The following MAP4 variants were observed in gnomAD, a reference collection of about 807,000 sequenced individuals.
MAP4 encodes the protein microtubule-associated protein 4.
A neutral mutation model predicts 170.2 loss-of-function variants in MAP4; 76 were observed. That is an observed-to-expected ratio of 0.45 (90% CI 0.37 to 0.54). The LOEUF (loss-of-function observed/expected upper bound fraction) is 0.54. Ranked by LOEUF, MAP4 falls within the 20% of genes least tolerant of loss-of-function variation. MAP4 has a pLI of 0.00. For missense variants in MAP4, 2,506 were observed against 2,748.0 expected (o/e 0.91, Z 1.97); for synonymous variants, 909 against 994.5 (o/e 0.91, Z 1.62).
intron 1 of MAP4, among the ~76,000 whole-genome samples, chr3:48,012,581 T>C (rs943722994): frequency 6.6e-6 from 1 of 152,174 alleles, no homozygotes. Flanking sequence ...TTAAATATCA[T>C]TTATCAGAAT....
chr3:48,033,925 A>G (rs2100117467), intron 1 of MAP4, among the ~76,000 whole-genome samples: 2 of 152,168 alleles, frequency 1.3e-5, no homozygotes, highest in Non-Finnish European at 2.9e-5. Context: ...TTAAAGATGC[A>G]CTAATCCAAA....
intron 3 of MAP4, among the ~76,000 whole-genome samples, chr3:47,952,025 G>C (rs1449412438): frequency 1.4e-5 from 2 of 147,844 alleles, no homozygotes; most frequent in South Asian, 2.2e-4. Context: ...TGTGAGGAGC[G>C]CCTCTGCCCG....
At position 47,998,926 on chromosome 3, in the gene MAP4, G is replaced by C. The variant is rs567023462; in HGVS notation, c.-19-47C>G. 1.3e-3 allele frequency: 1,387 copies of C among 1,034,196 alleles called. 9 individuals carry two copies. Among genetic ancestry groups the C allele is most frequent in the Middle Eastern group, 4.2e-4 (2 of 4,796 alleles). 64.1% of individuals were successfully genotyped at this position (1,034,196 alleles called of 1,614,324 possible). On this transcript the variant is annotated intron_variant, in intron 1 of 20. Transcript: ENST00000683076. ...TTTCATGTAACGAGCACTGCAAAAG[G>C]AAAAACATTTCTAGAAACTCTTGTC...
At chr3:47,879,268 A>G (rs2096209312) in intron 10 of MAP4, among the ~76,000 whole-genome samples, 1 of 152,188 alleles carries the variant, frequency 6.6e-6, no homozygotes, top group African/African-American at 2.4e-5. Context: ...GCATAAGTAT[A>G]ATGTGAAACT....
chr3:47,929,775 G>C (rs2100048384), intron 3 of MAP4, among the ~76,000 whole-genome samples: 1 of 151,886 alleles, frequency 6.6e-6, no homozygotes, highest in African/African-American at 2.4e-5. Flanking sequence ...AGCACTATCT[G>C]TAAGAGACAA....
chr3:47,982,003 G>A (rs1333380142), intron 2 of MAP4, among the ~76,000 whole-genome samples: 1 of 152,028 alleles, frequency 6.6e-6, no homozygotes, highest in East Asian at 1.9e-4. Context: ...AACCTATGTT[G>A]GCCGGGCACA....
intron 1 of MAP4, among the ~76,000 whole-genome samples, chr3:48,084,212 A>G (rs1404478579): frequency 6.6e-6 from 1 of 150,554 alleles, no homozygotes; most frequent in Non-Finnish European, 1.5e-5. Context: ...CAGTCTCAAA[A>G]AAAAAAAAAA....
intron 1 of MAP4, among the ~76,000 whole-genome samples, chr3:48,007,052 A>G (rs1475898572): frequency 2.6e-5 from 4 of 152,218 alleles, no homozygotes. Flanking sequence ...TTGTGTCATA[A>G]TCTTATTTGG....
At chr3:48,003,373 G>T (rs2100100389) in intron 1 of MAP4, among the ~76,000 whole-genome samples, 2 of 149,130 alleles carry the variant, frequency 1.3e-5, no homozygotes, top group Admixed American at 1.3e-4. Flanking sequence ...AGAATCGCTT[G>T]AACCCAGGAG....
intron 1 of MAP4, among the ~76,000 whole-genome samples, chr3:48,035,700 G>A (rs1377457653): frequency 1.3e-5 from 2 of 152,130 alleles, no homozygotes; most frequent in Admixed American, 6.5e-5. Flanking sequence ...AGCACTTTGG[G>A]AGGCCAAGGC....
intron 12 of MAP4, among the ~76,000 whole-genome samples, chr3:47,872,349 A>C (rs978243638): frequency 1.3e-5 from 2 of 152,012 alleles, no homozygotes; most frequent in African/African-American, 4.8e-5. Flanking sequence ...ACGCCCAGCT[A>C]ATTTTTTGTA....
At chr3:47,885,861 C>T (rs888206194) in intron 10 of MAP4, among the ~76,000 whole-genome samples, 7 of 151,912 alleles carry the variant, frequency 4.6e-5, no homozygotes, top group South Asian at 2.1e-4. Context: ...CCCGAGTAGC[C>T]GGGACTACAG....
At chr3:48,032,497 C>T (rs977542592) in intron 1 of MAP4, among the ~76,000 whole-genome samples, 3 of 148,992 alleles carry the variant, frequency 2.0e-5, no homozygotes, top group East Asian at 2.0e-4. Context: ...AGCAAGACTC[C>T]GTCTCAAAAA....
At chr3:48,025,450 A>AG (rs2100112548) in intron 1 of MAP4, among the ~76,000 whole-genome samples, 2 of 151,726 alleles carry the variant, frequency 1.3e-5, no homozygotes, top group Non-Finnish European at 2.9e-5. Context: ...CACCATGCCC[A>AG]GCTAATTTTT....
chr3:47,854,047 G>A (rs1239191235), intron 19 of MAP4, among the ~76,000 whole-genome samples: 1 of 152,168 alleles, frequency 6.6e-6, no homozygotes, highest in Non-Finnish European at 1.5e-5. Flanking sequence ...AGCGTGTGTC[G>A]CCAAATACCC....
intron 10 of MAP4, among the ~76,000 whole-genome samples, chr3:47,881,502 A>C (rs2096761395): frequency 8.8e-6 from 1 of 114,144 alleles, no homozygotes; most frequent in Non-Finnish European, 1.8e-5. Context: ...ATATATGCAT[A>C]ATCATTATAT....
At chr3:48,081,763 G>A (rs1395975141) in intron 1 of MAP4, among the ~76,000 whole-genome samples, 3 of 152,088 alleles carry the variant, frequency 2.0e-5, no homozygotes, top group Admixed American at 2.0e-4. Flanking sequence ...CCCTGAGAGG[G>A]CCTAGAAGCA....
intron 17 of MAP4, among the ~76,000 whole-genome samples, chr3:47,861,148 G>A (rs1206566364): frequency 6.6e-6 from 1 of 152,078 alleles, no homozygotes; most frequent in Admixed American, 6.6e-5. Flanking sequence ...ATCACCTGAG[G>A]TCAGGAGTTC....
At chr3:47,935,902 G>A (rs565229925) in intron 3 of MAP4, among the ~76,000 whole-genome samples, 2 of 141,412 alleles carry the variant, frequency 1.4e-5, no homozygotes, top group African/African-American at 5.4e-5. Flanking sequence ...TCACACAACT[G>A]CACTCCAGCT....
Sources: gnomAD v4.1 joint callset for allele counts (sites outside exome capture counted in the v4.1 genomes callset) on GRCh38, gnomAD v4.1.1 for gene constraint, MANE v1.5 for transcripts, NCBI Gene and HGNC (gene_info 2026-07-23, HGNC 2026-07-21) for gene names.